Variants in SAMD3 observed in about 807,000 individuals in gnomAD.
The protein encoded by SAMD3 is sterile alpha motif domain-containing protein 3.
SAMD3 carries 63 observed loss-of-function variants against 58.5 expected under a neutral mutation model. The ratio of observed to expected loss-of-function variants is 1.08; its 90% CI spans 0.88 to 1.33. The LOEUF (loss-of-function observed/expected upper bound fraction) is 1.33, where lower values mean the gene tolerates loss of function less well. Ranked by LOEUF, SAMD3 falls within the 40% of genes most tolerant of loss-of-function variation. The pLI, the probability that SAMD3 is intolerant of heterozygous loss-of-function variation, is 0.00. For missense variants in SAMD3, 604 were observed against 608.4 expected (o/e 0.99, Z 0.08); for synonymous variants, 220 against 210.3 (o/e 1.05, Z -0.40).
chr6:130,343,506 G>T (rs565336324), intron 1 of SAMD3, among the ~76,000 whole-genome samples: 1 of 152,080 alleles, frequency 6.6e-6, no homozygotes, highest in East Asian at 1.9e-4. Flanking sequence ...TATTCCTTTC[G>T]TGGAAGTCAG....
intron 8 of SAMD3, among the ~76,000 whole-genome samples, chr6:130,157,905 C>T (rs78615861): frequency 0.02 from 3,005 of 150,542 alleles, 63 homozygotes; most frequent in African/African-American, 0.052. Context: ...TTCTAACATA[C>T]GCTAACATAG....
intron 5 of SAMD3, among the ~76,000 whole-genome samples, chr6:130,203,119 C>G (rs1238107399): frequency 6.6e-6 from 1 of 152,218 alleles, no homozygotes; most frequent in Non-Finnish European, 1.5e-5. Flanking sequence ...CCAGACACTG[C>G]TGGCCTACCT....
At chr6:130,167,905 G>A (rs551593935) in intron 8 of SAMD3, among the ~76,000 whole-genome samples, 5 of 152,308 alleles carry the variant, frequency 3.3e-5, no homozygotes, top group African/African-American at 1.2e-4. Flanking sequence ...ATGATGATAC[G>A]TCTTGCTAGC....
rs141349203 is a variant in SAMD3, at chr6:130,184,467, G to A, written c.540C>T (p.Ala180=). 23 of 1,613,972 alleles carry A rather than the reference G, an allele frequency of 1.4e-5. No homozygotes were observed. The East Asian group carries it at 3.1e-4, about 22-fold the overall frequency. ...AGCCTTCCAGATACTTAGTCATGTC[G>A]GCCTGGAGAAACTCAATGATCCTTA... ...MRIRIIEFLQ[A]DMTKYLEGSL... Residue 180 remains alanine (A), a synonymous_variant, in exon 6 of 12, where the codon GCC becomes GCT. Coordinates refer to ENST00000439090, the MANE Select transcript of SAMD3 (RefSeq NM_001017373.4).
intron 2 of SAMD3, among the ~76,000 whole-genome samples, chr6:130,287,581 G>A (rs890614542): frequency 1.9e-4 from 29 of 152,094 alleles, no homozygotes; most frequent in Admixed American, 6.6e-5. Flanking sequence ...CCAATGAGAG[G>A]TAGAACACAC....
At chr6:130,199,591 C>G (rs905795215) in intron 5 of SAMD3, among the ~76,000 whole-genome samples, 2 of 152,140 alleles carry the variant, frequency 1.3e-5, no homozygotes, top group African/African-American at 4.8e-5. Flanking sequence ...GTTAATTATG[C>G]CAGTAACCTG....
intron 11 of SAMD3, 128 bp from the exon 12 acceptor site, chr6:130,144,932 A>G: frequency 1.1e-6 from 1 of 935,760 alleles, no homozygotes; most frequent in Non-Finnish European, 1.6e-6. Flanking sequence ...TATGACAAAC[A>G]TACTTCAAAA....
rs374868601 is a variant in SAMD3 at position 130,315,352 on chromosome 6, A to G, written c.-303-2259T>C. Reference sequence around the variant, plus strand: ...AGAGTTATATATGGGAATAATTTTCATAAGAACCAGTGAATGTGTTGGCAT... The same window carrying G: ...AGAGTTATATATGGGAATAATTTTCGTAAGAACCAGTGAATGTGTTGGCAT... On this transcript the variant is annotated intron_variant, in intron 1 of 13. Coordinates refer to the SAMD3 transcript ENST00000368134. Among the ~76,000 whole-genome samples, 4 of 152,324 alleles carry G rather than the reference A, an allele frequency of 2.6e-5. No individual in the cohort carries two copies. The South Asian group carries it at 8.3e-4, about 32-fold the overall frequency.
At chr6:130,303,856 C>G (rs2114978157) in intron 2 of SAMD3, among the ~76,000 whole-genome samples, 1 of 152,040 alleles carries the variant, frequency 6.6e-6, no homozygotes, top group Admixed American at 6.5e-5. Context: ...CATTTTAATT[C>G]TTTATTTTGT....
chr6:130,174,005 G>A (rs1473955834), intron 8 of SAMD3, among the ~76,000 whole-genome samples: 2 of 152,094 alleles, frequency 1.3e-5, no homozygotes, highest in Non-Finnish European at 2.9e-5. Flanking sequence ...TAAAGCCCCA[G>A]TAATGGCGGA....
At position 130,292,268 on chromosome 6, in the gene SAMD3, TTTC is replaced by T. The variant is rs1260579583; in HGVS notation, c.-188+20707_-188+20709del. Among the ~76,000 whole-genome samples, 46 of 75,406 alleles carry T rather than the reference TTTC, an allele frequency of 6.1e-4. 2 individuals carry two copies. The highest frequency in any genetic ancestry group is 1.8e-3 in the African/African-American group (38 of 21,004). 49.5% of individuals were successfully genotyped at this position (75,406 alleles called of 152,430 possible). On this transcript the variant is annotated intron_variant, in intron 2 of 13. Transcript: ENST00000368134. Reference sequence around the variant, plus strand: ...TCAGGAATAACTTTTTTTTTCTTTCTTTCTTTTTTTTTTTTTTTTGAGACGGAG... The same window carrying T: ...TCAGGAATAACTTTTTTTTTCTTTCTTTTTTTTTTTTTTTTTGAGACGGAG...
intron 2 of SAMD3, among the ~76,000 whole-genome samples, chr6:130,283,443 G>C (rs755375161): frequency 6.6e-6 from 1 of 152,046 alleles, no homozygotes. Flanking sequence ...CACACATAGA[G>C]CCTTATAGTA....
At chr6:130,195,216 C>T (rs965957414) in intron 5 of SAMD3, among the ~76,000 whole-genome samples, 4 of 152,034 alleles carry the variant, frequency 2.6e-5, no homozygotes, top group East Asian at 1.9e-4. Context: ...CTCTTGTATC[C>T]CCCTACCTTA....
intron 1 of SAMD3, among the ~76,000 whole-genome samples, chr6:130,357,116 A>ATT (rs1777853800): frequency 1.5e-5 from 2 of 136,994 alleles, no homozygotes; most frequent in African/African-American, 5.5e-5. Context: ...CTGCCATGGC[A>ATT]TCTTTTTTTT....
At chr6:130,346,416 G>A (rs1777453883) in intron 1 of SAMD3, among the ~76,000 whole-genome samples, 1 of 152,230 alleles carries the variant, frequency 6.6e-6, no homozygotes, top group Non-Finnish European at 1.5e-5. Flanking sequence ...GGCACACCAG[G>A]AGATTATATC....
At chr6:130,169,659 G>T (rs777396820) in intron 8 of SAMD3, among the ~76,000 whole-genome samples, 1 of 152,174 alleles carries the variant, frequency 6.6e-6, no homozygotes, top group African/African-American at 2.4e-5. Context: ...TTCATCTTAG[G>T]ATTCAAGCAT....
At chr6:130,320,982 A>G (rs1776566381) in intron 1 of SAMD3, among the ~76,000 whole-genome samples, 2 of 152,298 alleles carry the variant, frequency 1.3e-5, no homozygotes, top group East Asian at 3.9e-4. Flanking sequence ...ATGCTTCCCC[A>G]GAGAGTTTGC....
At chr6:130,182,444 C>G (rs1792449289) in intron 7 of SAMD3, among the ~76,000 whole-genome samples, 1 of 151,902 alleles carries the variant, frequency 6.6e-6, no homozygotes, top group South Asian at 2.1e-4. Context: ...TGAAAAAAAC[C>G]TTTAATTACC....
chr6:130,262,722 G>T (rs1158310536), intron 2 of SAMD3, among the ~76,000 whole-genome samples: 4 of 152,112 alleles, frequency 2.6e-5, no homozygotes, highest in African/African-American at 4.8e-5. Flanking sequence ...TATACTTCTA[G>T]TAGTAAGAAT....
Sources: allele counts gnomAD v4.1 joint callset (sites outside exome capture counted in the v4.1 genomes callset), GRCh38; gene constraint gnomAD v4.1.1; transcripts MANE v1.5; gene names NCBI Gene and HGNC (gene_info 2026-07-23, HGNC 2026-07-21).